ATP2B2: variants seen among roughly 807,000 people sequenced by gnomAD.
ATP2B2 encodes the protein plasma membrane calcium-transporting ATPase 2.
In ATP2B2, 15 loss-of-function variants were observed where a neutral mutation model predicts 120.0. The observed-to-expected ratio is 0.12, with a 90% confidence interval of 0.08 to 0.19. ATP2B2 has a LOEUF of 0.19. Among genes scored for constraint, ATP2B2 ranks in the 10% least tolerant of loss-of-function variants. ATP2B2 has a pLI of 1.00. For missense variants in ATP2B2, 1,045 were observed against 1,719.8 expected (o/e 0.61, Z 6.94); for synonymous variants, 694 against 700.3 (o/e 0.99, Z 0.14).
intron 2 of ATP2B2, among the ~76,000 whole-genome samples, chr3:10,593,183 T>A (rs1341410451): frequency 6.6e-6 from 1 of 152,174 alleles, no homozygotes; most frequent in East Asian, 1.9e-4. Flanking sequence ...TAAAAGAAAA[T>A]GAAAGGGAAG....
At chr3:10,474,329 T>C (rs1046399068) in intron 1 of ATP2B2, among the ~76,000 whole-genome samples, 2 of 152,132 alleles carry the variant, frequency 1.3e-5, no homozygotes, top group African/African-American at 4.8e-5. Flanking sequence ...CAAGTAGAGA[T>C]GCCAAGTGGG....
In ATP2B2 at chr3:10,621,930, C is replaced by T. The variant is rs183542522; in HGVS notation, c.-459-1969G>A. ...CCTGTGCAGAAGCCCACACACGCAG[C>T]GCCCCATTAAGCTTTATCTGGAGCA... On this transcript the variant is annotated intron_variant, in intron 1 of 21. Coordinates refer to the ATP2B2 transcript ENST00000646379. Among the ~76,000 whole-genome samples the T allele has an allele frequency of 8.5e-4, 130 of 152,348 alleles. 1 individual carries two copies. Among genetic ancestry groups the T allele is most frequent in the South Asian group, 2.1e-4 (1 of 4,826 alleles).
At chr3:10,395,428 G>A (rs2062003700) in intron 5 of ATP2B2, among the ~76,000 whole-genome samples, 1 of 152,192 alleles carries the variant, frequency 6.6e-6, no homozygotes, top group Admixed American at 6.5e-5. Flanking sequence ...CTGTGTTGTG[G>A]TTATGCATGA....
intron 22 of ATP2B2, among the ~76,000 whole-genome samples, chr3:10,336,762 C>G (rs531345781): frequency 9.0e-4 from 137 of 152,344 alleles, no homozygotes; most frequent in Non-Finnish European, 5.9e-5. Flanking sequence ...GTTTCTTGTT[C>G]TTAAGAAGGG....
At chr3:10,395,158 G>A (rs73016680) in intron 5 of ATP2B2, among the ~76,000 whole-genome samples, 133 of 152,322 alleles carry the variant, frequency 8.7e-4, no homozygotes, top group Non-Finnish European at 8.4e-4. Context: ...CCTTATAAGA[G>A]GGGTCACTGC....
intron 2 of ATP2B2, among the ~76,000 whole-genome samples, chr3:10,424,009 C>T (rs1406936829): frequency 2.0e-5 from 3 of 152,200 alleles, no homozygotes; most frequent in African/African-American, 7.2e-5. Context: ...TGGTGGCATG[C>T]TGGTGTCTTC....
In ATP2B2 at chr3:10,410,672, C is replaced by A. The variant is rs760746487; in HGVS notation, c.343G>T (p.Ala115Ser). 5.0e-6 allele frequency: 8 copies of A among 1,613,796 alleles called. No individual in the cohort carries two copies. The highest frequency in any genetic ancestry group is 5.9e-6 in the Non-Finnish European group (7 of 1,179,870). The part of the protein sequence containing the change: ...DVTLIILEIA[A>S]IISLGLSFYH... ...AAGGACAGCCCCAGGGAGATGATGG[C>A]GGCAATCTCCAGGATGATGAGCGTC... is the stretch of plus-strand genomic sequence containing the variant. The change falls in exon 3 of 23, where the codon GCC (alanine) becomes TCC (serine). Residue 115 changes from alanine to serine, a missense_variant. Physicochemically the swap from Ala to Ser is moderately conservative, Grantham distance 99. Coordinates refer to ENST00000360273, the MANE Select transcript of ATP2B2 (RefSeq NM_001001331.4).
chr3:10,575,441 C>A (rs2068222971), intron 2 of ATP2B2, among the ~76,000 whole-genome samples: 1 of 152,168 alleles, frequency 6.6e-6, no homozygotes, highest in Non-Finnish European at 1.5e-5. Context: ...CGAAAACAAT[C>A]CATATAAAGT....
intron 2 of ATP2B2, among the ~76,000 whole-genome samples, chr3:10,582,005 G>A (rs1475934352): frequency 2.0e-5 from 3 of 152,316 alleles, no homozygotes; most frequent in African/African-American, 2.4e-5. Context: ...TTTGCTGGGC[G>A]CACAATGTGG....
At position 10,598,738 on chromosome 3, in the gene ATP2B2, G is replaced by A. The variant is rs567478995; in HGVS notation, c.-415+21179C>T. On this transcript the variant is annotated intron_variant, in intron 2 of 21. Coordinates refer to the ATP2B2 transcript ENST00000646379. Reference sequence around the variant, plus strand: ...AACACATGGAAACCTGAGTCTGCACGGAATAAATGTTTGCTGATTGACTGC... The same window carrying A: ...AACACATGGAAACCTGAGTCTGCACAGAATAAATGTTTGCTGATTGACTGC... Among the ~76,000 whole-genome samples, 10 of 152,298 alleles carry A rather than the reference G, an allele frequency of 6.6e-5. No homozygotes were observed. The East Asian group carries it at 7.7e-4, about 12-fold the overall frequency.
chr3:10,372,107 G>A, intron 11 of ATP2B2, 56 bp from the exon 12 acceptor site: 2 of 1,613,306 alleles, frequency 1.2e-6, no homozygotes, highest in African/African-American at 2.7e-5. Flanking sequence ...GGGGAGCATG[G>A]GGTGCCTGGA....
intron 5 of ATP2B2, among the ~76,000 whole-genome samples, chr3:10,398,350 GT>G (rs886501670): frequency 5.3e-5 from 8 of 152,254 alleles, no homozygotes; most frequent in Admixed American, 3.9e-4. Flanking sequence ...CGCCCCAGGC[GT>G]CTTCCATCAA....
intron 1 of ATP2B2, among the ~76,000 whole-genome samples, chr3:10,488,475 C>CTTCCTTCCTTCG (rs2065805707): frequency 1.1e-5 from 1 of 93,670 alleles, no homozygotes; most frequent in Non-Finnish European, 2.1e-5. Flanking sequence ...TCCTTCCTTC[C>CTTCCTTCCTTCG]TTCCTTCCTT....
chr3:10,546,418 C>G (rs938604717), intron 2 of ATP2B2, among the ~76,000 whole-genome samples: 3 of 152,224 alleles, frequency 2.0e-5, no homozygotes, highest in African/African-American at 7.2e-5. Context: ...GCCCACCCTG[C>G]CCAGCCCCTC....
chr3:10,659,399 C>G (rs1486998676), intron 1 of ATP2B2, among the ~76,000 whole-genome samples: 1 of 152,012 alleles, frequency 6.6e-6, no homozygotes, highest in Non-Finnish European at 1.5e-5. Flanking sequence ...GATGGAGGAA[C>G]ATCTATCAAG....
chr3:10,426,189 T>C (rs534598552), intron 2 of ATP2B2, among the ~76,000 whole-genome samples: 1 of 152,274 alleles, frequency 6.6e-6, no homozygotes, highest in African/African-American at 2.4e-5. Context: ...CTAGATAGGT[T>C]ACACCCCCTT....
chr3:10,385,497 T>C (rs553303986), intron 7 of ATP2B2, among the ~76,000 whole-genome samples, 170 bp from the exon 8 acceptor site: 77 of 152,162 alleles, frequency 5.1e-4, no homozygotes, highest in African/African-American at 1.7e-3. Context: ...AAATGTTCCA[T>C]AGAGATGCCG....
intron 2 of ATP2B2, among the ~76,000 whole-genome samples, chr3:10,561,784 G>C (rs533786991): frequency 6.6e-6 from 1 of 152,034 alleles, no homozygotes; most frequent in Non-Finnish European, 1.5e-5. Flanking sequence ...TTTGCCTTCC[G>C]CCATGATTGT....
intron 14 of ATP2B2, among the ~76,000 whole-genome samples, chr3:10,356,943 C>A (rs1369593538): frequency 2.0e-5 from 3 of 151,042 alleles, no homozygotes; most frequent in Non-Finnish European, 4.4e-5. Flanking sequence ...CAATGACACC[C>A]CCAAGGAGGG....
Sources: allele counts gnomAD v4.1 joint callset (sites outside exome capture counted in the v4.1 genomes callset), GRCh38; gene constraint gnomAD v4.1.1; transcripts MANE v1.5; gene names NCBI Gene and HGNC (gene_info 2026-07-23, HGNC 2026-07-21).